PHLDB2: variants seen among roughly 807,000 people sequenced by gnomAD.
PHLDB2 encodes pleckstrin homology-like domain family B member 2.
PHLDB2 carries 71 observed loss-of-function variants against 123.6 expected under a neutral mutation model. That is an observed-to-expected ratio of 0.57 (90% CI 0.47 to 0.70). The LOEUF (loss-of-function observed/expected upper bound fraction) is 0.70. PHLDB2 is among the 30% of genes least tolerant of loss of function. PHLDB2 has a pLI of 0.00. For synonymous variants in PHLDB2, 547 were observed against 541.6 expected, an observed-to-expected ratio of 1.01 and a Z score of -0.14; for missense variants, 1,446 against 1,519.5, an observed-to-expected ratio of 0.95 and a Z score of 0.80.
At chr3:111,796,223 G>C (rs1276882311) in intron 1 of PHLDB2, among the ~76,000 whole-genome samples, 1 of 152,088 alleles carries the variant, frequency 6.6e-6, no homozygotes, top group Admixed American at 6.5e-5. Context: ...TAGAGGGAGA[G>C]AGGAATAGAA....
chr3:111,801,541 C>T (rs1041697671), intron 1 of PHLDB2, among the ~76,000 whole-genome samples: 15 of 152,066 alleles, frequency 9.9e-5, no homozygotes, highest in African/African-American at 3.6e-4. Context: ...ATAAATGTGT[C>T]CCAAGAGCCT....
chr3:111,955,170 GA>G (rs1247285248), intron 12 of PHLDB2, among the ~76,000 whole-genome samples: 1 of 102,954 alleles, frequency 9.7e-6, no homozygotes, highest in Non-Finnish European at 2.1e-5. Context: ...TCTCTCACTG[GA>G]ACGAGGTTTT....
intron 2 of PHLDB2, among the ~76,000 whole-genome samples, chr3:111,909,733 T>C (rs1169550979): frequency 1.3e-5 from 2 of 150,890 alleles, no homozygotes; most frequent in African/African-American, 2.4e-5. Flanking sequence ...CTGGGGCTAA[T>C]AGAAGAGAGA....
intron 1 of PHLDB2, among the ~76,000 whole-genome samples, chr3:111,762,137 T>TA (rs1435452187): frequency 6.6e-6 from 1 of 152,162 alleles, no homozygotes; most frequent in Non-Finnish European, 1.5e-5. Context: ...AGACTAGACT[T>TA]AGATTTGAGA....
At chr3:111,855,629 CTTTTTTT>C (rs11368889), upstream of PHLDB2, among the ~76,000 whole-genome samples, 16 of 79,840 alleles carry the variant, frequency 2.0e-4, no homozygotes, top group South Asian at 4.4e-4. Context: ...CTGCATTTGT[CTTTTTTT>C]TTTTTTTTTT....
intron 1 of PHLDB2, among the ~76,000 whole-genome samples, chr3:111,766,148 A>G (rs2060076704): frequency 6.6e-6 from 1 of 152,184 alleles, no homozygotes; most frequent in Admixed American, 6.5e-5. Flanking sequence ...CTTCTTAAGA[A>G]TCTGATTAAA....
chr3:111,739,592 ACAAAC>A lies in PHLDB2; in HGVS notation c.-49+6890_-49+6894del, dbSNP rs1187433579. On this transcript the variant is annotated intron_variant, in intron 1 of 17. Coordinates refer to the PHLDB2 transcript ENST00000393923. ...TGAAGTTAAAAAAAAAAAAAACAAAACAAACAAAAAAAAAAAACAATGGTCACAGG... is the reference window on the plus strand; with the variant it reads ...TGAAGTTAAAAAAAAAAAAAACAAAAAAAAAAAAAAAACAATGGTCACAGG... 2.3e-4 allele frequency among the ~76,000 whole-genome samples: 19 copies of A among 82,852 alleles called. 3 individuals carry two copies. Among genetic ancestry groups the A allele is most frequent in the Non-Finnish European group, 4.3e-4 (14 of 32,478 alleles). The allele number at this position is 82,852 out of a possible 152,430, so 54.4% of individuals were successfully genotyped here.
intron 6 of PHLDB2, among the ~76,000 whole-genome samples, 155 bp from the exon 7 acceptor site, chr3:111,939,320 G>C (rs1346745533): frequency 6.6e-6 from 1 of 152,144 alleles, no homozygotes; most frequent in Non-Finnish European, 1.5e-5. Context: ...CACGTTCTGG[G>C]ATTTAACTCC....
intron 2 of PHLDB2, among the ~76,000 whole-genome samples, chr3:111,908,898 C>T (rs2067707570): frequency 6.6e-6 from 1 of 152,200 alleles, no homozygotes; most frequent in Admixed American, 6.5e-5. Context: ...TCTCATTCTA[C>T]CACTCACTCA....
In PHLDB2 at chr3:111,789,674, T is replaced by C. The variant is rs147999448; in HGVS notation, c.-48-56147T>C. On this transcript the variant is annotated intron_variant, in intron 1 of 17. Transcript: ENST00000393923. The stretch of plus-strand genomic sequence containing the variant: ...AATGGTAATAGCTTACTTTGCAGAG[T>C]TGTTCAGAATTACATGAGATAATAA... Among the ~76,000 whole-genome samples, 639 of 152,240 alleles carry C rather than the reference T, an allele frequency of 4.2e-3. 1 individual carries two copies. Among genetic ancestry groups the C allele is most frequent in the African/African-American group, 0.015 (615 of 41,538 alleles).
chr3:111,821,143 G>A (rs1392505377), intron 1 of PHLDB2, among the ~76,000 whole-genome samples: 2 of 152,132 alleles, frequency 1.3e-5, no homozygotes, highest in Admixed American at 1.3e-4. Context: ...GCTGAATCGG[G>A]CCTGCTTTCA....
In PHLDB2 at chr3:111,791,840, T is replaced by G. The variant is rs564623356; in HGVS notation, c.-48-53981T>G. On this transcript the variant is annotated intron_variant, in intron 1 of 17. Transcript: ENST00000393923. ...GTGTTGGGAACATTTGAAATCTTCTTTTCTAGCTACTTTGAAATATCCAAT... is the reference window on the plus strand; with the variant it reads ...GTGTTGGGAACATTTGAAATCTTCTGTTCTAGCTACTTTGAAATATCCAAT... Among the ~76,000 whole-genome samples, 3 of 152,310 alleles carry G rather than the reference T, an allele frequency of 2.0e-5. No homozygotes were observed. The East Asian group carries it at 5.8e-4, about 29-fold the overall frequency.
intron 1 of PHLDB2, among the ~76,000 whole-genome samples, chr3:111,839,005 A>G (rs1185283953): frequency 6.6e-6 from 1 of 152,248 alleles, no homozygotes; most frequent in East Asian, 1.9e-4. Flanking sequence ...TAAAAATAAG[A>G]TAAAAGTATA....
At chr3:111,830,985 G>GAAAGAAAA (rs1165987461) in intron 1 of PHLDB2, among the ~76,000 whole-genome samples, 3 of 57,828 alleles carry the variant, frequency 5.2e-5, no homozygotes, top group Non-Finnish European at 9.3e-5. Context: ...AAGAAAGAAA[G>GAAAGAAAA]AAAGAAAGAA....
intron 1 of PHLDB2, among the ~76,000 whole-genome samples, chr3:111,765,911 T>TAC (rs2060072532): frequency 6.6e-6 from 1 of 151,826 alleles, no homozygotes; most frequent in Non-Finnish European, 1.5e-5. Context: ...CACATACACA[T>TAC]ACACACATAC....
At chr3:111,816,607 A>G (rs1010517921) in intron 1 of PHLDB2, among the ~76,000 whole-genome samples, 1 of 152,218 alleles carries the variant, frequency 6.6e-6, no homozygotes, top group Non-Finnish European at 1.5e-5. Flanking sequence ...ATATCTAGGA[A>G]GTAATTAACT....
intron 1 of PHLDB2, among the ~76,000 whole-genome samples, chr3:111,845,558 G>T (rs965476658): frequency 6.6e-6 from 1 of 152,042 alleles, no homozygotes; most frequent in Non-Finnish European, 1.5e-5. Flanking sequence ...TCCATTACTT[G>T]TTTGCCAGAT....
intron 1 of PHLDB2, among the ~76,000 whole-genome samples, chr3:111,834,512 G>T (rs1227996572): frequency 6.6e-6 from 1 of 150,876 alleles, no homozygotes; most frequent in African/African-American, 2.4e-5. Context: ...TGAACATATA[G>T]TAGTCTACTT....
chr3:111,741,192 A>G (rs2059597751), intron 1 of PHLDB2, among the ~76,000 whole-genome samples: 1 of 152,200 alleles, frequency 6.6e-6, no homozygotes, highest in Non-Finnish European at 1.5e-5. Context: ...CTGTTTTCCT[A>G]CTTTCAAAAA....
Sources: gnomAD v4.1 joint callset for allele counts (sites outside exome capture counted in the v4.1 genomes callset) on GRCh38, gnomAD v4.1.1 for gene constraint, MANE v1.5 for transcripts, NCBI Gene and HGNC (gene_info 2026-07-23, HGNC 2026-07-21) for gene names.